Variants in LRRC7 observed in about 807,000 individuals in gnomAD.
The protein encoded by LRRC7 is leucine rich repeat containing 7.
In LRRC7, 23 loss-of-function variants were observed where a neutral mutation model predicts 175.7. The ratio of observed to expected loss-of-function variants is 0.13; its 90% confidence interval spans 0.09 to 0.19. LRRC7 has a LOEUF of 0.19. Ranked by LOEUF, LRRC7 falls within the 10% of genes least tolerant of loss-of-function variation. The pLI is 1.00. For missense variants in LRRC7, 1,354 were observed against 1,904.7 expected, an observed-to-expected ratio of 0.71 and a Z score of 5.38; for synonymous variants, 685 against 680.9, an observed-to-expected ratio of 1.01 and a Z score of -0.09.
chr1:69,893,968 C>T (rs1557860688), intron 7 of LRRC7, among the ~76,000 whole-genome samples: 2 of 151,998 alleles, frequency 1.3e-5, no homozygotes, highest in African/African-American at 4.8e-5. Context: ...GAGGCATCGG[C>T]TACTGAATGT....
At chr1:69,661,710 C>T (rs1010145868) in intron 1 of LRRC7, among the ~76,000 whole-genome samples, 1 of 152,016 alleles carries the variant, frequency 6.6e-6, no homozygotes, top group Non-Finnish European at 1.5e-5. Context: ...AGGCTGAAGG[C>T]AGAAGTCCAG....
At position 69,717,825 on chromosome 1, in the gene LRRC7, A is replaced by AG. The variant is rs1457909427; in HGVS notation, c.100+39348dup. Among the ~76,000 whole-genome samples, 4 of 57,988 alleles carry AG rather than the reference A, an allele frequency of 6.9e-5. 1 individual carries two copies. Among genetic ancestry groups the AG allele is most frequent in the African/African-American group, 1.8e-4 (2 of 10,962 alleles). The allele number at this position is 57,988 out of a possible 152,430, so 38.0% of individuals were successfully genotyped here. A position where few individuals can be genotyped will look rare whatever the true frequency, so the allele number is the denominator to read the frequency against. On this transcript the variant is annotated intron_variant, in intron 2 of 26. Transcript: ENST00000651989. ...AAGAAAGAAAGAAAGAAAGAAAGAA[A>AG]GAAAGAAAGAAAGAAAAAAGAAAGA...
chr1:69,779,346 A>T (rs1673216820), intron 3 of LRRC7, among the ~76,000 whole-genome samples: 1 of 152,214 alleles, frequency 6.6e-6, no homozygotes. Context: ...GTTGAAATTA[A>T]GAACATTTAA....
At chr1:70,105,050 C>A (rs1665047417) in intron 25 of LRRC7, among the ~76,000 whole-genome samples, 1 of 152,064 alleles carries the variant, frequency 6.6e-6, no homozygotes. Context: ...TACAGAGACC[C>A]CAGTAGCAAA....
chr1:70,036,691 T>G (rs990695090), intron 20 of LRRC7, 67 bp downstream of exon 20: 5 of 1,491,242 alleles, frequency 3.4e-6, no homozygotes, highest in Non-Finnish European at 4.5e-6. Flanking sequence ...AAAAATGGAA[T>G]CTTCTTAATT....
intron 1 of LRRC7, among the ~76,000 whole-genome samples, chr1:69,589,320 C>T (rs1646537772): frequency 6.6e-6 from 1 of 152,132 alleles, no homozygotes; most frequent in Non-Finnish European, 1.5e-5. Flanking sequence ...GCCAGGACTA[C>T]TAATCACTCA....
intron 2 of LRRC7, among the ~76,000 whole-genome samples, chr1:69,747,729 G>T (rs1340767): frequency 0.72 from 109,178 of 152,002 alleles, 39,568 homozygotes; most frequent in East Asian, 0.92. Context: ...GGATAAGTAT[G>T]TAAATATTCA....
chr1:69,888,400 C>T (rs913407428), intron 7 of LRRC7, among the ~76,000 whole-genome samples: 2 of 152,180 alleles, frequency 1.3e-5, no homozygotes, highest in African/African-American at 4.8e-5. Flanking sequence ...TCCGTCACCC[C>T]TTTCTTTGAC....
chr1:69,887,622 A>G (rs1159346237), intron 7 of LRRC7, among the ~76,000 whole-genome samples: 19 of 152,172 alleles, frequency 1.2e-4, no homozygotes, highest in Admixed American at 1.2e-3. Flanking sequence ...TCAGCTCGCC[A>G]AAGTCATTCT....
At position 69,894,781 on chromosome 1, in the gene LRRC7, C is replaced by T. The variant is rs149500364; in HGVS notation, c.648-36726C>T. On this transcript the variant is annotated intron_variant, in intron 7 of 26. Coordinates refer to ENST00000651989, the MANE Select transcript of LRRC7 (RefSeq NM_001370785.2). ...TGTGTAATATCTCTAATATGAGGCA[C>T]CTAAAATAATCAAAGGTATAGAAGT... is the stretch of plus-strand genomic sequence containing the variant. 3.3e-3 allele frequency among the ~76,000 whole-genome samples: 499 copies of T among 152,074 alleles called. 1 individual carries two copies. Among genetic ancestry groups the T allele is most frequent in the African/African-American group, 0.011 (449 of 41,476 alleles).
rs1057299123 is a variant in LRRC7 at position 69,792,053 on chromosome 1, A to G, written c.314A>G (p.Asn105Ser). The G allele has an allele frequency of 6.3e-7, 1 of 1,594,264 alleles. No individual in the cohort carries two copies. Among genetic ancestry groups the G allele is most frequent in the Non-Finnish European group, 8.6e-7 (1 of 1,165,068 alleles). The stretch of plus-strand genomic sequence containing the variant: ...TATTTTCTATTACAGCAATTGTTCA[A>G]CTGTCAAGCTCTACGAAAACTAAGT... ...QIEELPKQLFNCQALRKLSIP... is the reference protein window; with the variant it reads ...QIEELPKQLFSCQALRKLSIP... Residue 105 changes from asparagine (N) to serine (S), a missense_variant, in exon 4 of 27, where the codon AAC (asparagine) becomes AGC (serine). Coordinates refer to ENST00000651989, the MANE Select transcript of LRRC7 (RefSeq NM_001370785.2).
chr1:69,939,037 A>ATATATATCTATC (rs1557911148), intron 8 of LRRC7, among the ~76,000 whole-genome samples: 8 of 80,936 alleles, frequency 9.9e-5, no homozygotes, highest in African/African-American at 3.1e-4. Flanking sequence ...ATATCTATAT[A>ATATATATCTATC]TATCTATATC....
chr1:69,949,729 T>C (rs2101818932), intron 8 of LRRC7, among the ~76,000 whole-genome samples: 1 of 152,280 alleles, frequency 6.6e-6, no homozygotes, highest in Non-Finnish European at 1.5e-5. Flanking sequence ...TTGCAAAGAA[T>C]GGATTCTTAC....
intron 7 of LRRC7, among the ~76,000 whole-genome samples, chr1:69,928,030 C>G (rs1342818876): frequency 6.6e-6 from 1 of 152,194 alleles, no homozygotes; most frequent in Non-Finnish European, 1.5e-5. Flanking sequence ...CCAGACAGGA[C>G]CCTCAGCTGC....
chr1:69,778,407 T>G (rs1673057232), intron 3 of LRRC7, among the ~76,000 whole-genome samples: 1 of 152,250 alleles, frequency 6.6e-6, no homozygotes, highest in African/African-American at 2.4e-5. Context: ...TAGTGCAGTG[T>G]TTAGTCCAAA....
At chr1:69,959,678 G>C (rs1339598885) in intron 8 of LRRC7, among the ~76,000 whole-genome samples, 1 of 152,058 alleles carries the variant, frequency 6.6e-6, no homozygotes, top group Admixed American at 6.6e-5. Context: ...ACAAGATTCA[G>C]TCCTCTGCTT....
At chr1:69,570,112 A>G (rs1645678340) in intron 1 of LRRC7, among the ~76,000 whole-genome samples, 2 of 152,032 alleles carry the variant, frequency 1.3e-5, no homozygotes, top group South Asian at 4.1e-4. Context: ...ATTTTTTGTG[A>G]GCATATTCTA....
At chr1:69,898,668 G>GCTC (rs1034276486) in intron 7 of LRRC7, among the ~76,000 whole-genome samples, 11 of 147,772 alleles carry the variant, frequency 7.4e-5, no homozygotes, top group Non-Finnish European at 1.6e-4. Context: ...CATCACTGCT[G>GCTC]CTGCTGCTGC....
chr1:70,071,170 A>G (rs1662358178), intron 23 of LRRC7, among the ~76,000 whole-genome samples: 1 of 152,124 alleles, frequency 6.6e-6, no homozygotes, highest in Non-Finnish European at 1.5e-5. Flanking sequence ...CATTGGTTAG[A>G]GAGAGTAGGC....
Sources: allele counts gnomAD v4.1 joint callset (sites outside exome capture counted in the v4.1 genomes callset), GRCh38; gene constraint gnomAD v4.1.1; transcripts MANE v1.5; gene names NCBI Gene and HGNC (gene_info 2026-07-23, HGNC 2026-07-21).